CTNNA2: variants seen among roughly 807,000 people sequenced by gnomAD.
The protein encoded by CTNNA2 is catenin alpha-2.
A neutral mutation model predicts 101.0 loss-of-function variants in CTNNA2; 42 were observed. The ratio of observed to expected loss-of-function variants is 0.42; its 90% CI spans 0.32 to 0.54. The LOEUF (loss-of-function observed/expected upper bound fraction) is 0.54. Ranked by LOEUF, CTNNA2 falls within the 20% of genes least tolerant of loss-of-function variation. The pLI, the probability that CTNNA2 is intolerant of heterozygous loss-of-function variation, is 0.14. For synonymous variants in CTNNA2, 450 were observed against 456.4 expected, an observed-to-expected ratio of 0.99 and a Z score of 0.18; for missense variants, 871 against 1,223.1, an observed-to-expected ratio of 0.71 and a Z score of 4.29.
intron 4 of CTNNA2, among the ~76,000 whole-genome samples, chr2:79,486,694 G>T (rs1198912737): frequency 6.6e-6 from 1 of 152,160 alleles, no homozygotes; most frequent in Non-Finnish European, 1.5e-5. Context: ...CCCACCAACT[G>T]TGTAAAAATT....
At chr2:79,378,438 A>G (rs1678002976) in intron 4 of CTNNA2, among the ~76,000 whole-genome samples, 1 of 152,146 alleles carries the variant, frequency 6.6e-6, no homozygotes, top group African/African-American at 2.4e-5. Flanking sequence ...ATAGGGATAT[A>G]TAGTTAAAAA....
intron 7 of CTNNA2, among the ~76,000 whole-genome samples, chr2:80,152,549 T>C (rs1703773878): frequency 6.6e-6 from 1 of 152,132 alleles, no homozygotes; most frequent in Admixed American, 6.6e-5. Flanking sequence ...ATTTTTTTTA[T>C]TATTAAAAGC....
Position 79,370,524 on chromosome 2 carries a change from G to T in CTNNA2, c.-317-3307G>T, listed in dbSNP as rs146322081. Among the ~76,000 whole-genome samples the T allele has an allele frequency of 2.4e-4, 36 of 152,262 alleles. 1 individual carries two copies. The highest frequency in any genetic ancestry group is 3.4e-3 in the Middle Eastern group (1 of 294). On this transcript the variant is annotated intron_variant, in intron 3 of 21. Transcript: ENST00000466387. Reference sequence around the variant, plus strand: ...TTTCTCTGCCTCTAGCTCTATGCTAGGGCATGTGGGCTACGAAGAAAAGGA... The same window carrying T: ...TTTCTCTGCCTCTAGCTCTATGCTATGGCATGTGGGCTACGAAGAAAAGGA...
chr2:79,587,793 G>T (rs1223521258), intron 1 of CTNNA2, among the ~76,000 whole-genome samples: 1 of 152,178 alleles, frequency 6.6e-6, no homozygotes, highest in Non-Finnish European at 1.5e-5. Context: ...TCTAAACCCA[G>T]CTCAAACTAT....
chr2:79,920,864 T>C (rs2104379025), intron 7 of CTNNA2, among the ~76,000 whole-genome samples: 1 of 152,208 alleles, frequency 6.6e-6, no homozygotes, highest in East Asian at 1.9e-4. Context: ...TTCAAAGGGC[T>C]CCCCCAAGCT....
At chr2:80,601,814 T>G (rs1697568408) in intron 15 of CTNNA2, 1 of 152,138 alleles carries the variant, frequency 6.6e-6, no homozygotes, top group Non-Finnish European at 1.5e-5. Context: ...CTCTTCTTTC[T>G]GAATTCTTGA....
intron 7 of CTNNA2, among the ~76,000 whole-genome samples, chr2:80,307,147 C>T (rs1677107523): frequency 6.6e-6 from 1 of 151,034 alleles, no homozygotes; most frequent in South Asian, 2.1e-4. Flanking sequence ...AAGCCTTTCC[C>T]ACCTCTAATG....
At chr2:80,079,128 A>T (rs895665747) in intron 7 of CTNNA2, among the ~76,000 whole-genome samples, 4 of 152,066 alleles carry the variant, frequency 2.6e-5, no homozygotes, top group Admixed American at 2.6e-4. Context: ...GGCGTGATGG[A>T]TTGTCCCCTT....
chr2:80,575,367 C>T (rs1694949366), intron 13 of CTNNA2: 1 of 152,050 alleles, frequency 6.6e-6, no homozygotes, highest in African/African-American at 2.4e-5. Flanking sequence ...TTTTGTGGCA[C>T]ACTATGGTGT....
Position 80,302,120 on chromosome 2 carries a change from A to T in CTNNA2, c.1057-91091A>T. 1 of 1,189,316 alleles carries T rather than the reference A, an allele frequency of 8.4e-7. No homozygotes were observed. The highest frequency in any genetic ancestry group is 1.1e-6 in the Non-Finnish European group (1 of 871,382). The allele number at this position is 1,189,316 out of a possible 1,614,324, so 73.7% of individuals were successfully genotyped here. On this transcript the variant is annotated intron_variant, in intron 7 of 18. Coordinates refer to ENST00000402739, the MANE Select transcript of CTNNA2 (RefSeq NM_001282597.3). This position sits in a 1 kb window ranked among gnomAD's most constrained non-coding sequence, Gnocchi z 6.4. Reference sequence around the variant, plus strand: ...AGCTAAAATGTCAAGTCTCTGGGAGAGATCCCCTTAAAGTTTCAGTCAAGG... The same window carrying T: ...AGCTAAAATGTCAAGTCTCTGGGAGTGATCCCCTTAAAGTTTCAGTCAAGG...
At chr2:79,746,795 G>A (rs150460803) in intron 3 of CTNNA2, among the ~76,000 whole-genome samples, 48 of 152,110 alleles carry the variant, frequency 3.2e-4, no homozygotes, top group African/African-American at 1.2e-3. Context: ...TTTTTAATGG[G>A]TTCTTTCCTT....
At chr2:80,218,372 A>C (rs1392318413) in intron 7 of CTNNA2, among the ~76,000 whole-genome samples, 1 of 152,240 alleles carries the variant, frequency 6.6e-6, no homozygotes, top group Admixed American at 6.5e-5. Flanking sequence ...CCTTCAGGAC[A>C]TCCTATGTTA....
chr2:80,394,564 C>A (rs1156703619), intron 8 of CTNNA2, among the ~76,000 whole-genome samples: 2 of 152,100 alleles, frequency 1.3e-5, no homozygotes, highest in African/African-American at 4.8e-5. Flanking sequence ...TCTTTGTTCT[C>A]TTAGATCATC....
At chr2:79,840,766 C>CTTT (rs67401953) in intron 3 of CTNNA2, among the ~76,000 whole-genome samples, 1 of 143,878 alleles carries the variant, frequency 7.0e-6, no homozygotes, top group African/African-American at 2.5e-5. Flanking sequence ...GACTACCTCT[C>CTTT]TTTTTTTTTT....
intron 2 of CTNNA2, among the ~76,000 whole-genome samples, chr2:79,281,200 T>A (rs1276159941): frequency 2.0e-5 from 3 of 152,100 alleles, no homozygotes; most frequent in African/African-American, 7.2e-5. Context: ...ATGCCCTGTA[T>A]GTCATGGTCC....
chr2:79,500,662 A>G (rs1404146351), intron 4 of CTNNA2: 1 of 152,220 alleles, frequency 6.6e-6, no homozygotes, highest in African/African-American at 2.4e-5. Flanking sequence ...CTCTACTCAC[A>G]TCATTCCAAG....
At chr2:80,199,478 T>C (rs1349904714) in intron 7 of CTNNA2, among the ~76,000 whole-genome samples, 2 of 152,206 alleles carry the variant, frequency 1.3e-5, no homozygotes, top group African/African-American at 4.8e-5. Context: ...CCAAAAGAAA[T>C]GCAAATATTC....
chr2:79,517,666 C>T (rs1256824179), intron 1 of CTNNA2, among the ~76,000 whole-genome samples: 1 of 151,974 alleles, frequency 6.6e-6, no homozygotes, highest in African/African-American at 2.4e-5. Context: ...TTTTATTTTC[C>T]TTATAAGTGA....
At chr2:79,893,134 G>A (rs879316353) in intron 6 of CTNNA2, among the ~76,000 whole-genome samples, 5 of 152,160 alleles carry the variant, frequency 3.3e-5, no homozygotes, top group Non-Finnish European at 7.4e-5. Context: ...AAATATTTGA[G>A]AATAGTTGAT....
Sources: gnomAD v4.1 joint callset for allele counts (sites outside exome capture counted in the v4.1 genomes callset) on GRCh38, gnomAD v4.1.1 for gene constraint, Gnocchi (gnomAD v3.1) non-coding constraint, MANE v1.5 for transcripts, NCBI Gene and HGNC (gene_info 2026-07-23, HGNC 2026-07-21) for gene names.